The following PSMD8 variants were observed in gnomAD, a reference collection of about 807,000 sequenced individuals.
PSMD8 encodes the protein 26S proteasome non-ATPase regulatory subunit 8.
In PSMD8, 30 loss-of-function variants were observed where a neutral mutation model predicts 40.0. That is an observed-to-expected ratio of 0.75 (90% CI 0.56 to 1.02). The LOEUF is 1.02. Ranked by LOEUF, PSMD8 falls within the 50% of genes least tolerant of loss-of-function variation. PSMD8 has a pLI of 0.00. For missense variants in PSMD8, 461 were observed against 463.9 expected (o/e 0.99, Z 0.06); for synonymous variants, 208 against 192.5 (o/e 1.08, Z -0.67).
rs1319697609 is a variant in PSMD8, at chr19:38,381,520, A to G, written c.803+521A>G. ...CTGAGCTGATGCACTCGGGCAGAGCACCAAATCAGAATGAGTTTCCATGCC... is the reference window on the plus strand; with the variant it reads ...CTGAGCTGATGCACTCGGGCAGAGCGCCAAATCAGAATGAGTTTCCATGCC... On this transcript the variant is annotated intron_variant, in intron 5 of 6. Transcript: ENST00000215071. Among the ~76,000 whole-genome samples, 4 of 152,212 alleles carry G rather than the reference A, an allele frequency of 2.6e-5. No individual in the cohort carries two copies. In the East Asian group the frequency reaches 5.8e-4, roughly 22 times the overall value.
intron 3 of PSMD8, among the ~76,000 whole-genome samples, chr19:38,378,822 A>T (rs1027750598): frequency 6.6e-6 from 1 of 151,308 alleles, no homozygotes; most frequent in Admixed American, 6.6e-5. Flanking sequence ...GCATGGTGGC[A>T]TGTGCCTGTA....
Position 38,374,969 on chromosome 19 carries a change from C to T in PSMD8, c.360+8C>T, listed in dbSNP as rs780544049. Reference sequence around the variant, plus strand: ...GAGCTGGGTCGACTCAAGGTAAAGTCGGCAGGCCCAGGAAACCGAGTGTTG... The same window carrying T: ...GAGCTGGGTCGACTCAAGGTAAAGTTGGCAGGCCCAGGAAACCGAGTGTTG... On this transcript the variant is annotated splice_region_variant and intron_variant, in intron 1 of 6. Transcript: ENST00000215071. The T allele has an allele frequency of 2.1e-5, 32 of 1,550,864 alleles. No individual in the cohort carries two copies. The highest frequency in any genetic ancestry group is 2.6e-5 in the Non-Finnish European group (30 of 1,156,298).
intron 4 of PSMD8, among the ~76,000 whole-genome samples, chr19:38,380,689 TGAGA>T (rs374592990): frequency 1.5e-4 from 15 of 101,574 alleles, no homozygotes; most frequent in East Asian, 3.1e-4. Flanking sequence ...GAAGAGGGGG[TGAGA>T]GAGAGAGAGA....
chr19:38,382,198 A>C lies in PSMD8; in HGVS notation c.885A>C (p.Thr295=). The C allele has an allele frequency of 6.3e-7, 1 of 1,596,186 alleles. No individual in the cohort carries two copies. Among genetic ancestry groups the C allele is most frequent in the Non-Finnish European group, 8.5e-7 (1 of 1,171,836 alleles). The change falls in exon 6 of 7, where the codon ACA becomes ACC. Residue 295 remains threonine (T), a synonymous_variant. Coordinates refer to ENST00000215071, the MANE Select transcript of PSMD8 (RefSeq NM_002812.5). ...TEATRILFFN[T]PKKMTDYAKK... The stretch of plus-strand genomic sequence containing the variant: ...CCACCCGGATCCTCTTCTTCAACAC[A>C]CCCAAAAAGATGACAGACTACGCCA...
In PSMD8 at chr19:38,382,178, C is replaced by T. The variant is rs746239567; in HGVS notation, c.865C>T (p.Arg289Trp). 1.2e-5 allele frequency: 19 copies of T among 1,595,774 alleles called. No individual in the cohort carries two copies. The East Asian group carries it at 2.3e-4, about 19-fold the overall frequency. ...GAAAATCCTTTTCACTGAGGCCACC[C>T]GGATCCTCTTCTTCAACACACCCAA... ...YEKILFTEAT[R>W]ILFFNTPKKM... The change falls in exon 6 of 7, where the codon CGG (arginine) becomes TGG (tryptophan). Residue 289 changes from arginine (R) to tryptophan (W), a missense_variant. Around this residue, in one of 2 missense-constraint regions of PSMD8, gnomAD observed 236 missense variants for 321.2 expected, o/e 0.73. Coordinates refer to ENST00000215071, the MANE Select transcript of PSMD8 (RefSeq NM_002812.5).
rs1970662757 is a variant in PSMD8, at chr19:38,383,640, A to G, written c.*250A>G. ...CTCAGGGTCTCAAACATGGACGCCCACTGTGGGGCCCCAGCAGCACTGTGG... is the reference window on the plus strand; with the variant it reads ...CTCAGGGTCTCAAACATGGACGCCCGCTGTGGGGCCCCAGCAGCACTGTGG... On this transcript the variant is annotated 3_prime_UTR_variant, in exon 7 of 7. Coordinates refer to ENST00000215071, the MANE Select transcript of PSMD8 (RefSeq NM_002812.5). 1 of 539,164 alleles carries G rather than the reference A, an allele frequency of 1.9e-6. No homozygotes were observed. The highest frequency in any genetic ancestry group is 2.1e-5 in the South Asian group (1 of 47,134). 33.4% of individuals were successfully genotyped at this position (539,164 alleles called of 1,614,324 possible).
rs766692662 is a variant in PSMD8, at chr19:38,376,186, G to GA, written c.387_388insA (p.Pro130ThrfsTer17). 30 of 1,595,588 alleles carry GA rather than the reference G, an allele frequency of 1.9e-5. No homozygotes were observed. Among genetic ancestry groups the GA allele is most frequent in the Non-Finnish European group, 2.5e-5 (29 of 1,169,026 alleles). ...TAGTTCTTCTGGAGCTCAACTTCTT[G>GA]CCAACCACAGGGACCAAGCTGACCA... On this transcript the variant is annotated frameshift_variant, in exon 2 of 7. Coordinates refer to ENST00000215071, the MANE Select transcript of PSMD8 (RefSeq NM_002812.5). LOFTEE classifies it high-confidence loss of function.
rs571752107 is a variant in PSMD8 at position 38,382,452 on chromosome 19, G to A, written c.915+224G>A. ...TACCTGGCAGCAGCTGGAGGTGGGC[G>A]CTGCACGCATGTTGGCTGCTGTCTT... On this transcript the variant is annotated intron_variant, in intron 6 of 6. Transcript: ENST00000215071. 6.8e-6 allele frequency: 4 copies of A among 586,246 alleles called. No homozygotes were observed. In the South Asian group the frequency reaches 8.4e-5, roughly 12 times the overall value. The allele number at this position is 586,246 out of a possible 1,614,324, so 36.3% of individuals were successfully genotyped here.
chr19:38,380,359 CTG>C lies in PSMD8; in HGVS notation c.703-536_703-535del, dbSNP rs1206888489. Among the ~76,000 whole-genome samples the C allele has an allele frequency of 2.6e-5, 4 of 152,200 alleles. No individual in the cohort carries two copies. In the East Asian group the frequency reaches 7.7e-4, roughly 29 times the overall value. ...CCAGTCCAAATGTCCTGAGGCAGTACTGTGTCTGCTGTGTTCGAAGGACAGCC... is the reference window on the plus strand; with the variant it reads ...CCAGTCCAAATGTCCTGAGGCAGTACTGTCTGCTGTGTTCGAAGGACAGCC... On this transcript the variant is annotated intron_variant, in intron 4 of 6. Transcript: ENST00000215071.
At chr19:38,380,689 T>TGAGAGAGA (rs374592990) in intron 4 of PSMD8, among the ~76,000 whole-genome samples, 5,311 of 100,594 alleles carry the variant, frequency 0.053, 190 homozygotes, top group East Asian at 0.25. Flanking sequence ...GAAGAGGGGG[T>TGAGAGAGA]GAGAGAGAGA....
At chr19:38,379,131 C>T in intron 3 of PSMD8, 109 bp from the exon 4 acceptor site, 1 of 1,146,142 alleles carries the variant, frequency 8.7e-7, no homozygotes, top group Non-Finnish European at 1.2e-6. Context: ...GACCTGATAC[C>T]TCTTCAGGAA....
In PSMD8 at chr19:38,374,799, C is replaced by T. The variant is rs1205623707; in HGVS notation, c.198C>T (p.Ala66=). ...TTGCCGCATCACGCAAGATGGCGGC[C>T]GCGGCGGTGAACGGGGCGGCAGGCT... ...GLLAASRKMA[A]AAVNGAAGFS... The change falls in exon 1 of 7, where the codon GCC becomes GCT. Residue 66 remains alanine, a synonymous_variant. Coordinates refer to ENST00000215071, the MANE Select transcript of PSMD8 (RefSeq NM_002812.5). The T allele has an allele frequency of 4.5e-6, 7 of 1,572,368 alleles. No homozygotes were observed. The highest frequency in any genetic ancestry group is 3.4e-5 in the South Asian group (3 of 87,082).
chr19:38,376,701 G>C (rs1970601258), intron 3 of PSMD8, among the ~76,000 whole-genome samples: 1 of 152,262 alleles, frequency 6.6e-6, no homozygotes, highest in South Asian at 2.1e-4. Flanking sequence ...CCTTTCACGT[G>C]TCCTGGCCCC....
At chr19:38,378,273 C>A (rs1778536477) in intron 3 of PSMD8, among the ~76,000 whole-genome samples, 1 of 151,398 alleles carries the variant, frequency 6.6e-6, no homozygotes, top group African/African-American at 2.4e-5. Flanking sequence ...TTTGGGAGGC[C>A]AAGGTGGGCG....
chr19:38,383,116 C>T, intron 6 of PSMD8, 137 bp from the exon 7 acceptor site: 1 of 1,116,216 alleles, frequency 9.0e-7, no homozygotes. Context: ...GGTGAAGTTA[C>T]TTGTCAAGGG....
In PSMD8 at chr19:38,381,003, C is replaced by A; in HGVS notation, c.803+4C>A. On this transcript the variant is annotated splice_donor_region_variant and intron_variant, in intron 5 of 6. Transcript: ENST00000215071. Reference sequence around the variant, plus strand: ...ACATCCTGCTCGACACTATCAGGTGCGTAGCGGGGCCGGGCCCTGTGGAGT... The same window carrying A: ...ACATCCTGCTCGACACTATCAGGTGAGTAGCGGGGCCGGGCCCTGTGGAGT... 1 of 1,561,580 alleles carries A rather than the reference C, an allele frequency of 6.4e-7. No individual in the cohort carries two copies. The highest frequency in any genetic ancestry group is 1.9e-5 in the Admixed American group (1 of 52,920).
chr19:38,378,525 A>T (rs1970615115), intron 3 of PSMD8, among the ~76,000 whole-genome samples: 1 of 149,644 alleles, frequency 6.7e-6, no homozygotes, highest in Non-Finnish European at 1.5e-5. Flanking sequence ...AAAAAAAAAA[A>T]ATTAGCTGGG....
chr19:38,379,872 G>A lies in PSMD8; in HGVS notation c.702+467G>A, dbSNP rs546161133. Among the ~76,000 whole-genome samples, 141 of 152,092 alleles carry A rather than the reference G, an allele frequency of 9.3e-4. 1 individual carries two copies. The highest frequency in any genetic ancestry group is 3.4e-3 in the African/African-American group (139 of 41,472). On this transcript the variant is annotated intron_variant, in intron 4 of 6. Transcript: ENST00000215071. ...GCACTTTGGGAGGCTGAGGCAGGAG[G>A]ACTGCTTGAGCCCAGGAGTTCAAGG...
At chr19:38,380,723 T>TGTGTGTGTGCGCGCGCGCCTGCGCGC (rs575195574) in intron 4 of PSMD8, among the ~76,000 whole-genome samples, 176 bp from the exon 5 acceptor site, 3 of 143,896 alleles carry the variant, frequency 2.1e-5, no homozygotes, top group Non-Finnish European at 4.6e-5. Flanking sequence ...TGTGTGTGTG[T>TGTGTGTGTGCGCGCGCGCCTGCGCGC]GTGTGTGCGC....
Sources: allele counts gnomAD v4.1 joint callset (sites outside exome capture counted in the v4.1 genomes callset), GRCh38; gene constraint gnomAD v4.1.1; regional missense constraint gnomAD v4.1.1; transcripts MANE v1.5; gene names NCBI Gene and HGNC (gene_info 2026-07-23, HGNC 2026-07-21).